The following MYO18B variants were observed in gnomAD, a reference collection of about 807,000 sequenced individuals.
The protein encoded by MYO18B is myosin XVIIIB.
MYO18B carries 204 observed loss-of-function variants against 273.0 expected under a neutral mutation model. The observed-to-expected ratio is 0.75, with a 90% CI of 0.67 to 0.84. The LOEUF (loss-of-function observed/expected upper bound fraction) is 0.84, where lower values mean the gene tolerates loss of function less well. Ranked by LOEUF, MYO18B falls within the 40% of genes least tolerant of loss-of-function variation. MYO18B has a pLI of 0.00. For missense variants in MYO18B, 3,212 were observed against 3,287.6 expected, an observed-to-expected ratio of 0.98 and a Z score of 0.56; for synonymous variants, 1,330 against 1,305.7, an observed-to-expected ratio of 1.02 and a Z score of -0.40.
At chr22:26,024,224 A>G (rs922113942) in intron 42 of MYO18B, among the ~76,000 whole-genome samples, 6 of 152,204 alleles carry the variant, frequency 3.9e-5, no homozygotes, top group Non-Finnish European at 5.9e-5. Context: ...ACCATTTATT[A>G]TTGGTTATAA....
chr22:25,787,309 C>CACACACACAG (rs57856007), intron 11 of MYO18B, among the ~76,000 whole-genome samples: 2,383 of 144,724 alleles, frequency 0.016, 31 homozygotes, highest in East Asian at 0.05. Context: ...CACACACACA[C>CACACACACAG]AGTCTGTCTT....
At chr22:25,785,375 C>T (rs2087337907) in intron 10 of MYO18B, 53 bp from the exon 11 acceptor site, 14 of 1,530,736 alleles carry the variant, frequency 9.1e-6, no homozygotes, top group Non-Finnish European at 1.2e-5. Context: ...ACCTGCCCTG[C>T]CAGGGCTGGT....
At chr22:25,874,194 G>A (rs2091126103) in intron 22 of MYO18B, 92 bp from the exon 23 acceptor site, 5 of 1,485,334 alleles carry the variant, frequency 3.4e-6, no homozygotes, top group African/African-American at 2.8e-5. Context: ...GCAGGTGGGT[G>A]CAAGAGAAGT....
At chr22:25,897,915 A>C in intron 28 of MYO18B, 1 of 166,296 alleles carries the variant, frequency 6.0e-6, no homozygotes, top group Non-Finnish European at 1.3e-5. Context: ...TAGGTATGTC[A>C]TTTTGGCTGC....
rs1039855004 is a variant in MYO18B, at chr22:25,802,881, G to C, written c.2521+4784G>C. On this transcript the variant is annotated intron_variant, in intron 12 of 43. Transcript: ENST00000335473. The stretch of plus-strand genomic sequence containing the variant: ...CTACTTTCTGTCTGTAGATTTCCTT[G>C]TTATGGATGTTTGACATGAATGCAA... Among the ~76,000 whole-genome samples the C allele has an allele frequency of 2.8e-4, 43 of 151,210 alleles. 1 individual carries two copies. The highest frequency in any genetic ancestry group is 9.7e-4 in the African/African-American group (40 of 41,106).
intron 1 of MYO18B, among the ~76,000 whole-genome samples, chr22:25,752,391 T>C (rs1438991272): frequency 2.0e-5 from 3 of 151,090 alleles, no homozygotes; most frequent in Non-Finnish European, 4.4e-5. Context: ...GTTTCACCGT[T>C]TTAGCCGGGA....
At chr22:25,871,716 G>C (rs560505504) in intron 22 of MYO18B, among the ~76,000 whole-genome samples, 88 of 152,248 alleles carry the variant, frequency 5.8e-4, no homozygotes, top group Non-Finnish European at 1.0e-3. Context: ...TGAGGGCCAT[G>C]GCATTTGTGG....
chr22:26,063,788 C>T, the MYO18B span, among the ~76,000 whole-genome samples: 1 of 152,192 alleles, frequency 6.6e-6, no homozygotes, highest in Admixed American at 6.5e-5. Context: ...CCAGCTCAAA[C>T]CATAAAGGGT....
intron 40 of MYO18B, among the ~76,000 whole-genome samples, chr22:25,993,904 A>T (rs534384624): frequency 6.2e-4 from 94 of 151,094 alleles, no homozygotes; most frequent in African/African-American, 2.0e-3. Context: ...ACGGGTGACA[A>T]TTTTTTTTTT....
chr22:25,846,807 C>T (rs959616477), intron 19 of MYO18B, among the ~76,000 whole-genome samples: 9 of 152,118 alleles, frequency 5.9e-5, no homozygotes, highest in African/African-American at 1.7e-4. Flanking sequence ...AGTGGCCGGG[C>T]GCAGAGGCTC....
Position 26,026,991 on chromosome 22 carries a change from A to G in MYO18B, c.7017A>G (p.Leu2339=). 6.2e-7 allele frequency: 1 copy of G among 1,613,670 alleles called. No homozygotes were observed. The highest frequency in any genetic ancestry group is 1.1e-5 in the South Asian group (1 of 91,058). The change falls in exon 43 of 44, where the codon CTA becomes CTG. Residue 2339 remains leucine (L), a synonymous_variant. Transcript: ENST00000335473. ...CAGACGGTGTTGGGGGCACAACCCTACTCCCCGAAAAGTCGAAAACCCAAT... is the reference window on the plus strand; with the variant it reads ...CAGACGGTGTTGGGGGCACAACCCTGCTCCCCGAAAAGTCGAAAACCCAAT... The part of the protein sequence containing the change: ...ISSDGVGGTT[L]LPEKSKTQFS...
intron 15 of MYO18B, among the ~76,000 whole-genome samples, chr22:25,832,325 A>G (rs2089736840): frequency 6.6e-6 from 1 of 152,220 alleles, no homozygotes; most frequent in Non-Finnish European, 1.5e-5. Context: ...CATTATTCAC[A>G]ATAGCTGAAA....
At chr22:26,056,208 A>G in the MYO18B span, among the ~76,000 whole-genome samples, 3 of 152,198 alleles carry the variant, frequency 2.0e-5, no homozygotes, top group South Asian at 6.2e-4. Context: ...GAGCTCTTGT[A>G]AGTACTGAGA....
intron 1 of MYO18B, among the ~76,000 whole-genome samples, chr22:25,750,183 G>GC (rs1227111447): frequency 2.0e-5 from 3 of 152,168 alleles, no homozygotes; most frequent in Non-Finnish European, 4.4e-5. Flanking sequence ...AGCTGCTGCC[G>GC]CAACAGGAGA....
At chr22:25,775,710 T>C (rs951734570) in intron 7 of MYO18B, among the ~76,000 whole-genome samples, 8 of 152,150 alleles carry the variant, frequency 5.3e-5, no homozygotes, top group Non-Finnish European at 1.0e-4. Context: ...TCAGTCTTCC[T>C]TGTGGTCTCC....
intron 39 of MYO18B, among the ~76,000 whole-genome samples, chr22:25,967,376 AT>A (rs551293637): frequency 9.2e-4 from 140 of 152,194 alleles, no homozygotes; most frequent in Non-Finnish European, 1.7e-3. Flanking sequence ...CATTGTTACG[AT>A]TTGACATCTT....
At chr22:25,780,392 A>G (rs572584554) in intron 9 of MYO18B, among the ~76,000 whole-genome samples, 194 bp downstream of exon 9, 2 of 151,770 alleles carry the variant, frequency 1.3e-5, no homozygotes, top group East Asian at 3.9e-4. Flanking sequence ...GGGGTTTGAG[A>G]CCAGCCTGAC....
At chr22:25,879,619 A>G (rs532404800) in intron 25 of MYO18B, among the ~76,000 whole-genome samples, 1 of 152,160 alleles carries the variant, frequency 6.6e-6, no homozygotes, top group Admixed American at 6.5e-5. Context: ...CATGAATCAG[A>G]CAGTTCCCAC....
intron 34 of MYO18B, among the ~76,000 whole-genome samples, chr22:25,927,132 G>A (rs1427207417): frequency 6.6e-6 from 1 of 152,096 alleles, no homozygotes; most frequent in African/African-American, 2.4e-5. Context: ...GTGTGCTTGA[G>A]CAATATGAAA....
Sources: allele counts gnomAD v4.1 joint callset (sites outside exome capture counted in the v4.1 genomes callset), GRCh38; gene constraint gnomAD v4.1.1; transcripts MANE v1.5; gene names NCBI Gene and HGNC (gene_info 2026-07-23, HGNC 2026-07-21).